The following ANKDD1A variants were observed in gnomAD, a reference collection of about 807,000 sequenced individuals.
ANKDD1A encodes ankyrin repeat and death domain containing 1A.
In ANKDD1A, 59 loss-of-function variants were observed where a neutral mutation model predicts 63.5. The ratio of observed to expected loss-of-function variants is 0.93; its 90% confidence interval spans 0.75 to 1.15. The LOEUF (loss-of-function observed/expected upper bound fraction) is 1.15, where lower values mean the gene tolerates loss of function less well. Ranked by LOEUF, ANKDD1A falls within the 50% of genes most tolerant of loss-of-function variation. The pLI is 0.00. For missense variants in ANKDD1A, 632 were observed against 656.4 expected, an observed-to-expected ratio of 0.96 and a Z score of 0.41; for synonymous variants, 266 against 263.9, an observed-to-expected ratio of 1.01 and a Z score of -0.08.
At chr15:64,952,620 TTCTTCG>T (rs1347621997) in intron 14 of ANKDD1A, among the ~76,000 whole-genome samples, 1,384 of 51,154 alleles carry the variant, frequency 0.027, 37 homozygotes, top group African/African-American at 0.081. Context: ...CCTCCTCTCC[TTCTTCG>T]TCTTTTCTTT....
chr15:64,956,065 G>A (rs1342197419), intron 14 of ANKDD1A, among the ~76,000 whole-genome samples: 2 of 152,124 alleles, frequency 1.3e-5, no homozygotes, highest in African/African-American at 4.8e-5. Context: ...CTTTCCAAGT[G>A]TTGTTATGGA....
chr15:64,954,389 T>TCTCCTTTCTTCTTCCTTCCTCTTCTTCTC (rs139777751), intron 14 of ANKDD1A, among the ~76,000 whole-genome samples: 1 of 144,796 alleles, frequency 6.9e-6, no homozygotes, highest in African/African-American at 2.6e-5. Flanking sequence ...CTTTTCTTCT[T>TCTCCTTTCTTCTTCCTTCCTCTTCTTCTC]CTTTCTTCTT....
At chr15:64,934,280 T>G (rs2085110812) in intron 9 of ANKDD1A, 46 bp downstream of exon 9, 1 of 1,554,562 alleles carries the variant, frequency 6.4e-7, no homozygotes, top group African/African-American at 1.4e-5. Context: ...TGCAAAGCCT[T>G]CCATGAGCAC....
At chr15:64,934,001 C>T (rs894510607) in intron 8 of ANKDD1A, 135 bp from the exon 9 acceptor site, 3 of 631,208 alleles carry the variant, frequency 4.8e-6, no homozygotes, top group African/African-American at 1.8e-5. Context: ...ATTGATTTTT[C>T]CAGCCTCAGT....
At chr15:64,927,602 CTTTTTTT>C (rs5813333) in intron 6 of ANKDD1A, among the ~76,000 whole-genome samples, 5 of 130,646 alleles carry the variant, frequency 3.8e-5, no homozygotes, top group Non-Finnish European at 8.0e-5. Context: ...AGCAAATTCC[CTTTTTTT>C]TTTTTTTTTT....
intron 9 of ANKDD1A, among the ~76,000 whole-genome samples, chr15:64,941,168 A>G (rs1188009948): frequency 6.6e-6 from 1 of 152,174 alleles, no homozygotes; most frequent in East Asian, 1.9e-4. Flanking sequence ...TGTCATTGTG[A>G]CTAGAATATC....
intron 11 of ANKDD1A, among the ~76,000 whole-genome samples, chr15:64,944,296 A>C (rs1595855372): frequency 1.3e-5 from 2 of 152,132 alleles, no homozygotes; most frequent in East Asian, 3.9e-4. Flanking sequence ...GACATGATAA[A>C]CCCAAGCCCC....
At chr15:64,955,025 TTCC>T (rs2085404874) in intron 14 of ANKDD1A, among the ~76,000 whole-genome samples, 2 of 96,720 alleles carry the variant, frequency 2.1e-5, no homozygotes, top group East Asian at 3.4e-4. Flanking sequence ...CTTCTTCTTC[TTCC>T]TCTTCTTCTT....
intron 10 of ANKDD1A, 159 bp from the exon 11 acceptor site, chr15:64,943,325 T>C: frequency 1.5e-6 from 1 of 669,574 alleles, no homozygotes; most frequent in East Asian, 2.5e-5. Flanking sequence ...AATGTACATA[T>C]AAGATGATCT....
intron 6 of ANKDD1A, among the ~76,000 whole-genome samples, chr15:64,928,167 G>A (rs2085061830): frequency 6.6e-6 from 1 of 152,202 alleles, no homozygotes; most frequent in Non-Finnish European, 1.5e-5. Context: ...AGCTGGATTT[G>A]GAAGCAGCAT....
intron 2 of ANKDD1A, 29 bp downstream of exon 2, chr15:64,915,929 C>T: frequency 1.3e-6 from 2 of 1,599,028 alleles, no homozygotes; most frequent in Non-Finnish European, 1.7e-6. Flanking sequence ...TGAATCCAGG[C>T]ACCTGGGATA....
intron 3 of ANKDD1A, among the ~76,000 whole-genome samples, chr15:64,921,136 T>A (rs548117642): frequency 6.6e-6 from 1 of 151,770 alleles, no homozygotes; most frequent in Non-Finnish European, 1.5e-5. Flanking sequence ...ACGCCTGGCT[T>A]ATTTTTACGA....
chr15:64,938,993 A>C (rs769450225), intron 9 of ANKDD1A, among the ~76,000 whole-genome samples: 18 of 151,764 alleles, frequency 1.2e-4, no homozygotes, highest in African/African-American at 1.9e-4. Flanking sequence ...ATGGATGTTA[A>C]GTTCTAATAA....
chr15:64,953,614 C>T (rs1282538419), intron 14 of ANKDD1A, among the ~76,000 whole-genome samples: 24 of 19,984 alleles, frequency 1.2e-3, no homozygotes, highest in East Asian at 0.018. Context: ...TTTCTTCTCT[C>T]CTTCTTCTTC....
chr15:64,915,283 C>T (rs1358341650), intron 1 of ANKDD1A, among the ~76,000 whole-genome samples: 1 of 152,118 alleles, frequency 6.6e-6, no homozygotes, highest in African/African-American at 2.4e-5. Context: ...CCAGCCTGGG[C>T]AACAGAGGGG....
intron 3 of ANKDD1A, among the ~76,000 whole-genome samples, chr15:64,920,308 C>T (rs1421811533): frequency 6.6e-6 from 1 of 152,094 alleles, no homozygotes; most frequent in African/African-American, 2.4e-5. Context: ...GACCCTGGAG[C>T]ACGGTGCAGA....
At chr15:64,927,820 T>C (rs937374442) in intron 6 of ANKDD1A, among the ~76,000 whole-genome samples, 1 of 152,078 alleles carries the variant, frequency 6.6e-6, no homozygotes, top group African/African-American at 2.4e-5. Context: ...TTAGCCAGGA[T>C]GATCTTGATC....
intron 7 of ANKDD1A, 28 bp downstream of exon 7, chr15:64,930,948 T>A (rs778810080): frequency 6.2e-7 from 1 of 1,601,266 alleles, no homozygotes; most frequent in Non-Finnish European, 8.5e-7. Flanking sequence ...GATGGCGAGA[T>A]GCATGACCCT....
Position 64,947,448 on chromosome 15 carries a change from G to A in ANKDD1A, c.1206G>A (p.Gln402=), listed in dbSNP as rs769874853. ...CTGGGAAGAGCTTGTCCTTTAAGCA[G>A]GACCATCGGCAGGAAACACAGCAGC... ...DPSGKSLSFK[Q]DHRQETQQLR... is the part of the protein sequence containing the mutation. The change falls in exon 13 of 15, where the codon CAG becomes CAA. Residue 402 remains glutamine (Q), a synonymous_variant. Transcript: ENST00000319580. 1.2e-6 allele frequency: 2 copies of A among 1,614,126 alleles called. No homozygotes were observed. The highest frequency in any genetic ancestry group is 4.5e-5 in the East Asian group (2 of 44,880).
Sources: allele counts gnomAD v4.1 joint callset (sites outside exome capture counted in the v4.1 genomes callset), GRCh38; gene constraint gnomAD v4.1.1; transcripts MANE v1.5; gene names NCBI Gene and HGNC (gene_info 2026-07-23, HGNC 2026-07-21).